Variants in CD80 observed in about 807,000 individuals in gnomAD.
The protein encoded by CD80 is CD80 molecule.
A neutral mutation model predicts 27.1 loss-of-function variants in CD80; 13 were observed. The observed-to-expected ratio is 0.48, with a 90% CI of 0.31 to 0.76. The LOEUF (loss-of-function observed/expected upper bound fraction) is 0.76, where lower values mean the gene tolerates loss of function less well. Ranked by LOEUF, CD80 falls within the 30% of genes least tolerant of loss-of-function variation. The probability of loss-of-function intolerance (pLI) is 0.04; values close to 1 mark genes in which losing one functional copy is unlikely to be tolerated. For missense variants in CD80, 277 were observed against 347.9 expected, an observed-to-expected ratio of 0.80 and a Z score of 1.62; for synonymous variants, 125 against 125.5, an observed-to-expected ratio of 1.00 and a Z score of 0.03.
At chr3:119,545,736 A>ACCC (rs1204394890) in intron 2 of CD80, among the ~76,000 whole-genome samples, 2 of 147,104 alleles carry the variant, frequency 1.4e-5, no homozygotes, top group African/African-American at 5.4e-5. Context: ...TATTACACAC[A>ACCC]CACCCCCCCC....
intron 2 of CD80, among the ~76,000 whole-genome samples, chr3:119,546,011 G>T (rs1420093946): frequency 6.6e-6 from 1 of 152,182 alleles, no homozygotes; most frequent in East Asian, 1.9e-4. Flanking sequence ...AAATGTGATT[G>T]CATAAAAAAC....
chr3:119,557,289 C>T (rs563879794), intron 2 of CD80, among the ~76,000 whole-genome samples: 12 of 152,150 alleles, frequency 7.9e-5, no homozygotes, highest in Non-Finnish European at 1.8e-4. Context: ...ACTCCGAGGC[C>T]AGTATCGGCA....
chr3:119,536,023 G>A (rs566668480), intron 4 of CD80, among the ~76,000 whole-genome samples: 5 of 152,038 alleles, frequency 3.3e-5, no homozygotes, highest in African/African-American at 7.2e-5. Flanking sequence ...AGGCTGAGGC[G>A]GGCGGATCAC....
chr3:119,537,399 A>G lies in CD80; in HGVS notation c.438T>C (p.Ser146=). The G allele has an allele frequency of 1.2e-6, 2 of 1,608,596 alleles. No homozygotes were observed. Among genetic ancestry groups the G allele is most frequent in the Non-Finnish European group, 1.7e-6 (2 of 1,175,058 alleles). The change falls in exon 4 of 7, where the codon AGT becomes AGC. Residue 146 remains serine, a synonymous_variant. Transcript: ENST00000264246. ...AAGTTGGAATTTCAAAGTCAGATAT[A>G]CTAGGTGTAGGGAAGTCAGCTAAAG... ...LSVKADFPTP[S]ISDFEIPTSN...
intron 3 of CD80, among the ~76,000 whole-genome samples, chr3:119,540,315 A>G (rs1232502268): frequency 6.6e-6 from 1 of 152,232 alleles, no homozygotes; most frequent in Non-Finnish European, 1.5e-5. Context: ...CATTTAAATC[A>G]GGTTGCCAGG....
Position 119,544,707 on chromosome 3 carries a change from G to T in CD80, c.261C>A (p.Tyr87Ter), listed in dbSNP as rs776993724. ...MSGDMNIWPE[Y>*]KNRTIFDITN... ...TGATATCAAAGATGGTCCGGTTCTT[G>T]TACTCGGGCCATATATTCATGTCCC... The change falls in exon 3 of 7, where the codon TAC becomes TAA. Residue 87 changes from tyrosine to a stop codon, truncating the protein, a stop_gained. Coordinates refer to ENST00000264246, the MANE Select transcript of CD80 (RefSeq NM_005191.4). LOFTEE classifies it high-confidence loss of function. 6.2e-7 allele frequency: 1 copy of T among 1,614,032 alleles called. No homozygotes were observed. The highest frequency in any genetic ancestry group is 1.3e-5 in the African/African-American group (1 of 74,906).
chr3:119,539,710 G>C (rs1351470913), intron 3 of CD80, among the ~76,000 whole-genome samples: 1 of 151,988 alleles, frequency 6.6e-6, no homozygotes, highest in African/African-American at 2.4e-5. Context: ...AAAGAGATTA[G>C]CTTCTTAGCA....
chr3:119,558,176 G>A (rs1293089524), intron 1 of CD80, among the ~76,000 whole-genome samples: 3 of 152,120 alleles, frequency 2.0e-5, no homozygotes, highest in Non-Finnish European at 4.4e-5. Flanking sequence ...AGAAACAGGA[G>A]AGCTCTAAGG....
chr3:119,544,989 C>A, intron 2 of CD80, 122 bp from the exon 3 acceptor site: 1 of 748,494 alleles, frequency 1.3e-6, no homozygotes, highest in Non-Finnish European at 2.2e-6. Flanking sequence ...AAGTATCAAT[C>A]CAGTTTGATT....
intron 2 of CD80, among the ~76,000 whole-genome samples, chr3:119,546,166 G>A (rs143691973): frequency 3.3e-5 from 5 of 152,224 alleles, no homozygotes; most frequent in African/African-American, 1.2e-4. Flanking sequence ...TTCTCTCACA[G>A]CAGGCAATTT....
intron 4 of CD80, 55 bp downstream of exon 4, chr3:119,537,082 A>G (rs2107742020): frequency 6.9e-7 from 1 of 1,448,644 alleles, no homozygotes; most frequent in African/African-American, 1.4e-5. Flanking sequence ...TGACACGACT[A>G]TATTGTCTTT....
chr3:119,544,200 C>T, intron 3 of CD80: 1 of 250,720 alleles, frequency 4.0e-6, no homozygotes, highest in Non-Finnish European at 7.8e-6. Flanking sequence ...GTTACCTTTT[C>T]AGCATACTTT....
At chr3:119,528,683 G>A (rs2082091695) in intron 5 of CD80, among the ~76,000 whole-genome samples, 2 of 152,202 alleles carry the variant, frequency 1.3e-5, no homozygotes, top group Middle Eastern at 6.8e-3. Flanking sequence ...CAGCACTTTG[G>A]GAAGCCAAGG....
At chr3:119,549,457 C>T (rs555001280) in intron 2 of CD80, among the ~76,000 whole-genome samples, 4 of 152,182 alleles carry the variant, frequency 2.6e-5, no homozygotes, top group Non-Finnish European at 5.9e-5. Context: ...AAGGCCCCAG[C>T]GCCCCCTGCC....
At chr3:119,558,465 A>G (rs780135052) in intron 1 of CD80, among the ~76,000 whole-genome samples, 1 of 152,216 alleles carries the variant, frequency 6.6e-6, no homozygotes, top group Non-Finnish European at 1.5e-5. Flanking sequence ...TTACTTATCA[A>G]AATTATGTAC....
At chr3:119,542,247 A>G (rs1258872223) in intron 3 of CD80, among the ~76,000 whole-genome samples, 2 of 151,890 alleles carry the variant, frequency 1.3e-5, no homozygotes, top group African/African-American at 2.4e-5. Flanking sequence ...TATTCTATCC[A>G]AGAGCAGAGA....
At chr3:119,547,860 C>T (rs963830389) in intron 2 of CD80, among the ~76,000 whole-genome samples, 2 of 152,224 alleles carry the variant, frequency 1.3e-5, no homozygotes, top group Non-Finnish European at 2.9e-5. Flanking sequence ...GCTGCTCCTA[C>T]ATCCAGTTCA....
chr3:119,542,032 T>C (rs2082171937), intron 3 of CD80, among the ~76,000 whole-genome samples: 1 of 151,702 alleles, frequency 6.6e-6, no homozygotes, highest in East Asian at 2.0e-4. Context: ...AATTAACTAA[T>C]ACAGGCTAAT....
chr3:119,530,840 A>G (rs769165570), intron 4 of CD80, among the ~76,000 whole-genome samples: 7 of 152,262 alleles, frequency 4.6e-5, no homozygotes, highest in Non-Finnish European at 8.8e-5. Context: ...TTCATGCTGA[A>G]GTTTTATTTA....
Sources: allele counts gnomAD v4.1 joint callset (sites outside exome capture counted in the v4.1 genomes callset), GRCh38; gene constraint gnomAD v4.1.1; transcripts MANE v1.5; gene names NCBI Gene and HGNC (gene_info 2026-07-23, HGNC 2026-07-21).